Variants in COLQ observed in about 807,000 individuals in gnomAD.
COLQ encodes the protein acetylcholinesterase collagenic tail peptide.
In COLQ, 48 loss-of-function variants were observed where a neutral mutation model predicts 69.0. The ratio of observed to expected loss-of-function variants is 0.70; its 90% CI spans 0.55 to 0.88. The LOEUF is 0.88. COLQ is among the 40% of genes least tolerant of loss of function. The pLI, the probability that COLQ is intolerant of heterozygous loss-of-function variation, is 0.00. For missense variants in COLQ, 618 were observed against 594.6 expected (o/e 1.04, Z -0.41); for synonymous variants, 217 against 211.2 (o/e 1.03, Z -0.24).
intron 1 of COLQ, among the ~76,000 whole-genome samples, chr3:15,518,565 G>T (rs1328155048): frequency 6.6e-6 from 1 of 152,158 alleles, no homozygotes; most frequent in Non-Finnish European, 1.5e-5. Context: ...TCTCCTCTGG[G>T]ACCCAGCAGA....
At chr3:15,506,047 C>T (rs1339211340) in intron 1 of COLQ, among the ~76,000 whole-genome samples, 1 of 152,224 alleles carries the variant, frequency 6.6e-6, no homozygotes, top group Non-Finnish European at 1.5e-5. Context: ...CACAGACTGG[C>T]TTCTCTACCC....
chr3:15,480,290 T>C (rs933668835), intron 3 of COLQ, among the ~76,000 whole-genome samples: 2 of 152,168 alleles, frequency 1.3e-5, no homozygotes, highest in African/African-American at 4.8e-5. Flanking sequence ...CACTAACTTG[T>C]CATTCACATT....
chr3:15,479,396 A>G lies in COLQ; in HGVS notation c.322-14T>C. On this transcript the variant is annotated splice_polypyrimidine_tract_variant and intron_variant, in intron 3 of 16. Coordinates refer to ENST00000383788, the MANE Select transcript of COLQ (RefSeq NM_005677.4). ...CCCCGGTGGACCCTAATCAATCAAG[A>G]TAAAAAGTGAAGAAAGTATATATCA... The G allele has an allele frequency of 7.4e-6, 12 of 1,613,868 alleles. No homozygotes were observed. Among genetic ancestry groups the G allele is most frequent in the Non-Finnish European group, 1.0e-5 (12 of 1,179,738 alleles).
chr3:15,481,652 C>T (rs953658945), intron 3 of COLQ, among the ~76,000 whole-genome samples: 4 of 152,146 alleles, frequency 2.6e-5, no homozygotes, highest in Non-Finnish European at 5.9e-5. Flanking sequence ...TAGTGTGATG[C>T]CTCCAGCTTT....
chr3:15,491,785 C>G (rs1009148004), intron 1 of COLQ, among the ~76,000 whole-genome samples: 4 of 152,152 alleles, frequency 2.6e-5, no homozygotes, highest in African/African-American at 4.8e-5. Context: ...ATGGGCCAGG[C>G]ATGGTGGCTC....
chr3:15,497,934 T>C (rs2062770836), intron 1 of COLQ, among the ~76,000 whole-genome samples: 1 of 152,196 alleles, frequency 6.6e-6, no homozygotes, highest in African/African-American at 2.4e-5. Flanking sequence ...TCCTAAAAGT[T>C]GCACGTAATT....
intron 3 of COLQ, among the ~76,000 whole-genome samples, chr3:15,480,374 C>T (rs920196498): frequency 2.0e-5 from 3 of 151,686 alleles, no homozygotes; most frequent in Non-Finnish European, 4.4e-5. Context: ...ATGTTCCCCA[C>T]CCTGTGTCCA....
intron 1 of COLQ, chr3:15,498,648 C>T (rs772773496): frequency 2.3e-5 from 36 of 1,550,952 alleles, no homozygotes; most frequent in Middle Eastern, 1.7e-4. Flanking sequence ...GGCTGAGATT[C>T]GTCACGCCTC....
chr3:15,451,991 G>A (rs1410708139), intron 16 of COLQ, among the ~76,000 whole-genome samples: 2 of 152,060 alleles, frequency 1.3e-5, no homozygotes, highest in African/African-American at 2.4e-5. Context: ...CAACAAAAAT[G>A]TCCTGTATCT....
At chr3:15,492,967 C>T in intron 1 of COLQ, among the ~76,000 whole-genome samples, 1 of 152,182 alleles carries the variant, frequency 6.6e-6, no homozygotes, top group East Asian at 1.9e-4. Context: ...GAACCCAGCA[C>T]TCAACGCCAA....
intron 1 of COLQ, among the ~76,000 whole-genome samples, chr3:15,509,900 C>T (rs766602942): frequency 6.6e-6 from 1 of 152,084 alleles, no homozygotes; most frequent in African/African-American, 2.4e-5. Context: ...GGGCTGGGCG[C>T]GGTGGCTCAC....
rs187311459 is a variant in COLQ at position 15,472,979 on chromosome 3, C to T, written c.636+1021G>A. On this transcript the variant is annotated intron_variant, in intron 10 of 16. Transcript: ENST00000383788. ...GGCTCAAGCAATTCTCCCACCTCAG[C>T]CTCCTGAGTCGCTGGGACTATAGGC... Among the ~76,000 whole-genome samples, 18 of 151,664 alleles carry T rather than the reference C, an allele frequency of 1.2e-4. No homozygotes were observed. In the East Asian group the frequency reaches 3.5e-3, roughly 29 times the overall value.
intron 3 of COLQ, among the ~76,000 whole-genome samples, chr3:15,482,194 A>C (rs1287361065): frequency 6.6e-6 from 1 of 152,166 alleles, no homozygotes; most frequent in African/African-American, 2.4e-5. Context: ...TCCTAATTGA[A>C]TACCCTTTAT....
intron 1 of COLQ, among the ~76,000 whole-genome samples, chr3:15,493,987 G>A (rs922597747): frequency 6.6e-6 from 1 of 152,232 alleles, no homozygotes; most frequent in African/African-American, 2.4e-5. Flanking sequence ...GGAGGCTGAG[G>A]CAGGAGAATT....
intron 11 of COLQ, chr3:15,467,914 AT>A (rs2062224587): frequency 4.4e-6 from 2 of 456,654 alleles, no homozygotes; most frequent in South Asian, 3.1e-5. Context: ...TGAACTCTGA[AT>A]ATGGGATCCG....
In COLQ at chr3:15,473,871, A is replaced by G; in HGVS notation, c.636+129T>C. On this transcript the variant is annotated intron_variant, in intron 10 of 16. Coordinates refer to ENST00000383788, the MANE Select transcript of COLQ (RefSeq NM_005677.4). The surrounding 1 kb of genome is among the most constrained non-coding windows in gnomAD (Gnocchi z 4.0). ...GAAAAGCAACTTGCTTCCCGTCCCA[A>G]AATAGAAGTTTCCATGGTTAAACCC... The G allele has an allele frequency of 9.3e-7, 1 of 1,076,834 alleles. No homozygotes were observed. Among genetic ancestry groups the G allele is most frequent in the East Asian group, 2.6e-5 (1 of 38,986 alleles). The allele number at this position is 1,076,834 out of a possible 1,614,324, so 66.7% of individuals were successfully genotyped here.
At chr3:15,492,227 T>C (rs969998256) in intron 1 of COLQ, among the ~76,000 whole-genome samples, 2 of 152,298 alleles carry the variant, frequency 1.3e-5, no homozygotes, top group South Asian at 2.1e-4. Context: ...GCAAGTCTCA[T>C]GCTACAAGGA....
chr3:15,458,366 G>A, intron 12 of COLQ, 41 bp from the exon 13 acceptor site: 1 of 1,613,196 alleles, frequency 6.2e-7, no homozygotes, highest in Non-Finnish European at 8.5e-7. Flanking sequence ...AGCCAAGGAA[G>A]AGAAGACCAA....
intron 1 of COLQ, chr3:15,499,004 G>GTTTTTT: frequency 8.9e-5 from 98 of 1,099,454 alleles, no homozygotes; most frequent in Middle Eastern, 8.5e-4. Context: ...GACTGCTCTG[G>GTTTTTT]TAAGCCTCAA....
Sources: allele counts gnomAD v4.1 joint callset (sites outside exome capture counted in the v4.1 genomes callset), GRCh38; gene constraint gnomAD v4.1.1; non-coding constraint Gnocchi (gnomAD v3.1); transcripts MANE v1.5; gene names NCBI Gene and HGNC (gene_info 2026-07-23, HGNC 2026-07-21).